EFCAB14: variants seen among roughly 807,000 people sequenced by gnomAD.
EFCAB14 encodes the protein EF-hand calcium binding domain 14.
EFCAB14 carries 43 observed loss-of-function variants against 56.5 expected under a neutral mutation model. The ratio of observed to expected loss-of-function variants is 0.76; its 90% CI spans 0.60 to 0.98. The LOEUF (loss-of-function observed/expected upper bound fraction) is 0.98. Ranked by LOEUF, EFCAB14 falls within the 50% of genes least tolerant of loss-of-function variation. EFCAB14 has a pLI of 0.00. For synonymous variants in EFCAB14, 235 were observed against 212.9 expected, an observed-to-expected ratio of 1.10 and a Z score of -0.90; for missense variants, 538 against 580.3, an observed-to-expected ratio of 0.93 and a Z score of 0.75.
Position 46,707,905 on chromosome 1 carries a change from C to T in EFCAB14, c.480+1G>A. 6.2e-7 allele frequency: 1 copy of T among 1,607,234 alleles called. No individual in the cohort carries two copies. Among genetic ancestry groups the T allele is most frequent in the Non-Finnish European group, 8.5e-7 (1 of 1,178,896 alleles). On this transcript the variant is annotated splice_donor_variant, in intron 3 of 10. Coordinates refer to ENST00000371933, the MANE Select transcript of EFCAB14 (RefSeq NM_014774.3). LOFTEE classifies it high-confidence loss of function. ...CACAGCAAAAATCAAACTTTTAGTA[C>T]CTGCTTATTCATTTCTGTGATGTTT...
At chr1:46,701,831 T>C (rs1348749016) in intron 3 of EFCAB14, among the ~76,000 whole-genome samples, 2 of 152,238 alleles carry the variant, frequency 1.3e-5, no homozygotes, top group African/African-American at 4.8e-5. Flanking sequence ...TCACCCACTG[T>C]TCCCTAGGAC....
At chr1:46,710,936 T>C (rs1435453562) in intron 2 of EFCAB14, among the ~76,000 whole-genome samples, 1 of 152,224 alleles carries the variant, frequency 6.6e-6, no homozygotes, top group Non-Finnish European at 1.5e-5. Context: ...CTTAACAACG[T>C]CCTTCAGTTC....
At chr1:46,684,414 C>A in intron 9 of EFCAB14, 77 bp downstream of exon 9, 1 of 1,188,160 alleles carries the variant, frequency 8.4e-7, no homozygotes, top group Non-Finnish European at 1.2e-6. Context: ...ACTGCTGGAA[C>A]ACCTTCCCTG....
chr1:46,686,542 G>C, intron 8 of EFCAB14: 1 of 503,318 alleles, frequency 2.0e-6, no homozygotes, highest in Non-Finnish European at 3.6e-6. Context: ...CACCACAATA[G>C]GGGTCACATG....
At chr1:46,704,147 A>ATACTTT (rs1677200759) in intron 3 of EFCAB14, among the ~76,000 whole-genome samples, 13 of 151,900 alleles carry the variant, frequency 8.6e-5, no homozygotes, top group African/African-American at 3.1e-4. Flanking sequence ...TATTTCCTCC[A>ATACTTT]TCTGATTATA....
chr1:46,695,507 T>C (rs1021169168), intron 4 of EFCAB14, among the ~76,000 whole-genome samples: 1 of 152,220 alleles, frequency 6.6e-6, no homozygotes, highest in Non-Finnish European at 1.5e-5. Flanking sequence ...TGCTCCTTTG[T>C]GGAAAGAATT....
At chr1:46,688,234 C>T in intron 7 of EFCAB14, 119 bp downstream of exon 7, 1 of 941,126 alleles carries the variant, frequency 1.1e-6, no homozygotes, top group South Asian at 1.6e-5. Context: ...GAGGATTAAG[C>T]ACAACACAAA....
intron 3 of EFCAB14, among the ~76,000 whole-genome samples, chr1:46,705,718 A>G (rs1417934799): frequency 6.6e-6 from 1 of 152,110 alleles, no homozygotes; most frequent in Non-Finnish European, 1.5e-5. Context: ...ATAAACGGAT[A>G]AATATTTTAC....
chr1:46,705,657 T>C (rs773062394), intron 3 of EFCAB14, among the ~76,000 whole-genome samples: 3 of 152,174 alleles, frequency 2.0e-5, no homozygotes, highest in South Asian at 2.1e-4. Flanking sequence ...TCCTGCTTTG[T>C]ACCCTAAGCA....
At chr1:46,682,756 G>T (rs1320996730) in intron 10 of EFCAB14, among the ~76,000 whole-genome samples, 4 of 152,242 alleles carry the variant, frequency 2.6e-5, no homozygotes, top group Non-Finnish European at 5.9e-5. Flanking sequence ...AGGTGAGTTG[G>T]TTTGTGCTTG....
chr1:46,698,220 T>G (rs935760287), intron 3 of EFCAB14, among the ~76,000 whole-genome samples: 2 of 151,940 alleles, frequency 1.3e-5, no homozygotes, highest in African/African-American at 4.8e-5. Context: ...AGACAGGGAG[T>G]CTGGTAAGGA....
At chr1:46,716,667 T>C (rs1280870758) in intron 1 of EFCAB14, among the ~76,000 whole-genome samples, 1 of 151,938 alleles carries the variant, frequency 6.6e-6, no homozygotes, top group Non-Finnish European at 1.5e-5. Flanking sequence ...ACAGAAGGAG[T>C]TCCTGCAGGT....
chr1:46,686,937 C>A (rs1676892698), intron 7 of EFCAB14, 67 bp from the exon 8 acceptor site: 24 of 1,452,542 alleles, frequency 1.7e-5, no homozygotes, highest in Admixed American at 7.0e-5. Context: ...AACTTGAACA[C>A]CTAGCACTTT....
chr1:46,716,683 G>A (rs1486621140), intron 1 of EFCAB14, among the ~76,000 whole-genome samples: 3 of 152,156 alleles, frequency 2.0e-5, no homozygotes, highest in Non-Finnish European at 4.4e-5. Context: ...CAGGTAAAAG[G>A]AAGAACCTAA....
At chr1:46,680,208 T>TCC (rs1453256504) in intron 10 of EFCAB14, among the ~76,000 whole-genome samples, 19 of 152,282 alleles carry the variant, frequency 1.2e-4, no homozygotes, top group African/African-American at 4.3e-4. Flanking sequence ...TTCCTAGGTA[T>TCC]ATATATACTC....
At chr1:46,701,568 G>A (rs1213659488) in intron 3 of EFCAB14, among the ~76,000 whole-genome samples, 5 of 152,164 alleles carry the variant, frequency 3.3e-5, no homozygotes, top group Admixed American at 6.5e-5. Flanking sequence ...AAGTATCTCG[G>A]GAATGGTAGT....
rs1676703319 is a variant in EFCAB14, at chr1:46,676,863, C to T, written c.*1598G>A. ...GTTTGGTTAATACCAAGCTGAACATCATGTAAAGAAAAAAAAAACAGCCCT... is the reference window on the plus strand; with the variant it reads ...GTTTGGTTAATACCAAGCTGAACATTATGTAAAGAAAAAAAAAACAGCCCT... On this transcript the variant is annotated 3_prime_UTR_variant, in exon 11 of 11. Transcript: ENST00000371933. 1 of 142,832 alleles carries T rather than the reference C, an allele frequency of 7.0e-6. No individual in the cohort carries two copies. The highest frequency in any genetic ancestry group is 2.2e-4 in the South Asian group (1 of 4,458). 8.8% of individuals were successfully genotyped at this position (142,832 alleles called of 1,614,324 possible).
chr1:46,689,812 G>T (rs1000915263), intron 5 of EFCAB14, 121 bp from the exon 6 acceptor site: 30 of 834,916 alleles, frequency 3.6e-5, no homozygotes, highest in Non-Finnish European at 5.6e-5. Context: ...TAATCAGTAA[G>T]TATTGCCAGG....
rs759648457 is a variant in EFCAB14 at position 46,718,114 on chromosome 1, C to A, written c.-27G>T. On this transcript the variant is annotated 5_prime_UTR_variant, in exon 1 of 11. Coordinates refer to ENST00000371933, the MANE Select transcript of EFCAB14 (RefSeq NM_014774.3). ...TTTTTGTGTGGGGTGAGTGGAGCCC[C>A]GACTCCTGAGCTGCCAGGTTCGTAC... 6.2e-7 allele frequency: 1 copy of A among 1,608,356 alleles called. No individual in the cohort carries two copies. Among genetic ancestry groups the A allele is most frequent in the South Asian group, 1.1e-5 (1 of 90,646 alleles).
Sources: allele counts gnomAD v4.1 joint callset (sites outside exome capture counted in the v4.1 genomes callset), GRCh38; gene constraint gnomAD v4.1.1; transcripts MANE v1.5; gene names NCBI Gene and HGNC (gene_info 2026-07-23, HGNC 2026-07-21).